The following SHB variants were observed in gnomAD, a reference collection of about 807,000 sequenced individuals.
The protein encoded by SHB is SH2 domain-containing adapter protein B.
In SHB, 20 loss-of-function variants were observed where a neutral mutation model predicts 52.3. The observed-to-expected ratio is 0.38, with a 90% CI of 0.27 to 0.56. The LOEUF is 0.56. Ranked by LOEUF, SHB falls within the 20% of genes least tolerant of loss-of-function variation. The probability of loss-of-function intolerance (pLI) is 0.71; values close to 1 mark genes in which losing one functional copy is unlikely to be tolerated. For missense variants in SHB, 825 were observed against 723.3 expected (o/e 1.14, Z -1.61); for synonymous variants, 397 against 316.5 (o/e 1.25, Z -2.70).
intron 2 of SHB, among the ~76,000 whole-genome samples, chr9:38,011,549 T>C (rs1821143700): frequency 6.6e-6 from 1 of 152,134 alleles, no homozygotes; most frequent in Non-Finnish European, 1.5e-5. Context: ...GTCACTCTGC[T>C]TAAAACGCAG....
Position 37,997,531 on chromosome 9 carries a change from A to G in SHB, c.838+18480T>C, listed in dbSNP as rs111776174. 7.0e-3 allele frequency among the ~76,000 whole-genome samples: 1,060 copies of G among 152,332 alleles called. 6 individuals carry two copies. The highest frequency in any genetic ancestry group is 0.013 in the Non-Finnish European group (863 of 68,024). On this transcript the variant is annotated intron_variant, in intron 2 of 5. Coordinates refer to ENST00000377707, the MANE Select transcript of SHB (RefSeq NM_003028.3). Reference sequence around the variant, plus strand: ...CCCACAGCGCAAAGTAAAGCCCAAGACATGTCAGACCTGAGTCCACATCCA... The same window carrying G: ...CCCACAGCGCAAAGTAAAGCCCAAGGCATGTCAGACCTGAGTCCACATCCA...
chr9:38,009,366 A>C (rs909387813), intron 2 of SHB, among the ~76,000 whole-genome samples: 4 of 152,274 alleles, frequency 2.6e-5, no homozygotes, highest in Admixed American at 6.5e-5. Flanking sequence ...GGAGAAGCCC[A>C]GTGTGACCGC....
intron 4 of SHB, among the ~76,000 whole-genome samples, chr9:37,950,263 C>CT (rs111494758): frequency 0.01 from 1,480 of 144,630 alleles, 10 homozygotes; most frequent in African/African-American, 0.026. Context: ...TGTGTGTTTC[C>CT]TTTTTTTTTT....
chr9:37,977,788 G>A (rs966629126), intron 2 of SHB, among the ~76,000 whole-genome samples: 3 of 152,148 alleles, frequency 2.0e-5, no homozygotes, highest in Admixed American at 1.3e-4. Flanking sequence ...CTGAGGATAC[G>A]GCAGCTGAGA....
At chr9:38,060,798 T>C (rs576915179) in intron 1 of SHB, among the ~76,000 whole-genome samples, 10 of 152,238 alleles carry the variant, frequency 6.6e-5, no homozygotes, top group South Asian at 4.1e-4. Flanking sequence ...AGACAGCTTT[T>C]AGCTCACCCA....
At chr9:37,968,117 T>A (rs1215399634) in intron 3 of SHB, among the ~76,000 whole-genome samples, 1 of 152,230 alleles carries the variant, frequency 6.6e-6, no homozygotes, top group Non-Finnish European at 1.5e-5. Flanking sequence ...GTTTTTATGT[T>A]AAATTGAATT....
chr9:37,991,707 T>C (rs140073344), intron 2 of SHB, among the ~76,000 whole-genome samples: 1 of 152,316 alleles, frequency 6.6e-6, no homozygotes, highest in Admixed American at 6.5e-5. Context: ...TCCTGGAAGC[T>C]TGATACCCTC....
rs368541696 is a variant in SHB, at chr9:38,068,526, G to C, written c.120C>G (p.Pro40=). The C allele has an allele frequency of 5.5e-6, 8 of 1,457,808 alleles. No individual in the cohort carries two copies. Among genetic ancestry groups the C allele is most frequent in the Non-Finnish European group, 7.2e-6 (8 of 1,115,734 alleles). The allele number at this position is 1,457,808 out of a possible 1,614,324, so 90.3% of individuals were successfully genotyped here. A position where few individuals can be genotyped will look rare whatever the true frequency, so the allele number is the denominator to read the frequency against. ...AGGAGGCCTGCGGCACGGCCTGGGG[G>C]GGCTGCGAAGGCCGCTCGCCTCGGC... is the stretch of plus-strand genomic sequence containing the variant. ...QRRRGERPSQ[P]PQAVPQASSA... Residue 40 remains proline (P), a synonymous_variant, in exon 1 of 6, where the codon CCC becomes CCG. Coordinates refer to ENST00000377707, the MANE Select transcript of SHB (RefSeq NM_003028.3).
intron 1 of SHB, among the ~76,000 whole-genome samples, chr9:38,058,420 ATC>A (rs1821847602): frequency 1.3e-5 from 2 of 152,022 alleles, no homozygotes; most frequent in Admixed American, 1.3e-4. Flanking sequence ...CTTCTCCCTC[ATC>A]TCTGCCAGGA....
chr9:37,942,019 G>A (rs573291855), intron 5 of SHB, among the ~76,000 whole-genome samples: 1 of 152,278 alleles, frequency 6.6e-6, no homozygotes, highest in East Asian at 1.9e-4. Flanking sequence ...TCACTTGCCT[G>A]CCTGGACCCA....
intron 1 of SHB, among the ~76,000 whole-genome samples, chr9:38,057,731 AT>A (rs1821839617): frequency 1.3e-5 from 2 of 152,180 alleles, no homozygotes; most frequent in African/African-American, 4.8e-5. Context: ...GATGATTTTC[AT>A]TTTTAGAATT....
chr9:38,068,439 C>A lies in SHB; in HGVS notation c.207G>T (p.Ser69=). 1 of 1,549,402 alleles carries A rather than the reference C, an allele frequency of 6.5e-7. No individual in the cohort carries two copies. The highest frequency in any genetic ancestry group is 8.7e-7 in the Non-Finnish European group (1 of 1,152,120). ...TGGTGCTGCCGCTGTCGTCGGGCAG[C>A]GAGCCCGAAGAGGCTGAGAAGCAGG... ...TASCFSASSG[S]LPDDSGSTSD... Residue 69 remains serine (S), a synonymous_variant, in exon 1 of 6, where the codon TCG becomes TCT. Transcript: ENST00000377707.
At chr9:37,934,175 G>A (rs953071714) in intron 5 of SHB, among the ~76,000 whole-genome samples, 2 of 152,200 alleles carry the variant, frequency 1.3e-5, no homozygotes, top group African/African-American at 4.8e-5. Flanking sequence ...CGGACCTCCT[G>A]AGTCCCCCCC....
chr9:38,041,327 G>C (rs1464807623), intron 1 of SHB, among the ~76,000 whole-genome samples: 1 of 152,176 alleles, frequency 6.6e-6, no homozygotes, highest in African/African-American at 2.4e-5. Context: ...CTGTGTATGG[G>C]GAAGGGACTC....
chr9:37,985,330 T>C (rs1319431488), intron 2 of SHB, among the ~76,000 whole-genome samples: 1 of 152,264 alleles, frequency 6.6e-6, no homozygotes, highest in East Asian at 1.9e-4. Flanking sequence ...TGGCCTGAAG[T>C]ACTCGAAGAG....
At chr9:37,989,031 C>T (rs769716593) in intron 2 of SHB, among the ~76,000 whole-genome samples, 9 of 126,732 alleles carry the variant, frequency 7.1e-5, no homozygotes, top group Non-Finnish European at 1.2e-4. Context: ...TTTTCATAAT[C>T]ACATGATCCA....
At chr9:37,925,100 G>C (rs1269899650) in intron 5 of SHB, among the ~76,000 whole-genome samples, 6 of 152,188 alleles carry the variant, frequency 3.9e-5, no homozygotes, top group African/African-American at 7.2e-5. Flanking sequence ...CACAGCTGGG[G>C]CACTGTGCCC....
At chr9:37,938,294 C>T (rs1159683840) in intron 5 of SHB, among the ~76,000 whole-genome samples, 2 of 152,156 alleles carry the variant, frequency 1.3e-5, no homozygotes, top group African/African-American at 4.8e-5. Context: ...AATCCCCGGG[C>T]TCCTGATCAC....
chr9:38,011,766 T>A (rs534382168), intron 2 of SHB, among the ~76,000 whole-genome samples: 1 of 152,248 alleles, frequency 6.6e-6, no homozygotes, highest in South Asian at 2.1e-4. Context: ...TTAAAAAAAA[T>A]CTCAAAAGGA....
Sources: allele counts gnomAD v4.1 joint callset (sites outside exome capture counted in the v4.1 genomes callset), GRCh38; gene constraint gnomAD v4.1.1; transcripts MANE v1.5; gene names NCBI Gene and HGNC (gene_info 2026-07-23, HGNC 2026-07-21).